NTRK3: variants seen among roughly 807,000 people sequenced by gnomAD.
NTRK3 encodes NT-3 growth factor receptor.
In NTRK3, 24 loss-of-function variants were observed where a neutral mutation model predicts 91.7. That is an observed-to-expected ratio of 0.26 (90% CI 0.19 to 0.37). The LOEUF (loss-of-function observed/expected upper bound fraction) is 0.37. NTRK3 is among the 10% of genes least tolerant of loss of function. The probability of loss-of-function intolerance (pLI) is 1.00; values close to 1 mark genes in which losing one functional copy is unlikely to be tolerated. For missense variants in NTRK3, 880 were observed against 1,068.9 expected (o/e 0.82, Z 2.46); for synonymous variants, 483 against 404.0 (o/e 1.20, Z -2.34).
At chr15:88,180,081 T>C (rs1019021050) in intron 5 of NTRK3, among the ~76,000 whole-genome samples, 1 of 152,198 alleles carries the variant, frequency 6.6e-6, no homozygotes, top group African/African-American at 2.4e-5. Flanking sequence ...CTAGCAACTG[T>C]TCTCTCTGAA....
intron 14 of NTRK3, among the ~76,000 whole-genome samples, chr15:88,025,090 CAAG>C (rs1169640221): frequency 3.3e-5 from 5 of 152,174 alleles, no homozygotes; most frequent in Non-Finnish European, 4.4e-5. Flanking sequence ...CCAGGCACAC[CAAG>C]AAGGACAGTG....
At chr15:88,080,012 T>G (rs1412890630) in intron 13 of NTRK3, among the ~76,000 whole-genome samples, 1 of 152,232 alleles carries the variant, frequency 6.6e-6, no homozygotes, top group African/African-American at 2.4e-5. Flanking sequence ...GTAAATATTT[T>G]TCATGTCTTT....
chr15:88,137,977 G>A (rs2042033809), intron 6 of NTRK3, among the ~76,000 whole-genome samples: 1 of 151,972 alleles, frequency 6.6e-6, no homozygotes, highest in Non-Finnish European at 1.5e-5. Context: ...CTTGAACCCA[G>A]GAGATGGAGG....
At chr15:87,912,643 T>C (rs1038407891) in intron 17 of NTRK3, among the ~76,000 whole-genome samples, 30 of 152,018 alleles carry the variant, frequency 2.0e-4, no homozygotes, top group Non-Finnish European at 4.0e-4. Context: ...TCTCTCTGGC[T>C]GGCATTCAAT....
At position 88,235,859 on chromosome 15, in the gene NTRK3, A is replaced by G. The variant is rs2051676160; in HGVS notation, c.248+20047T>C. On this transcript the variant is annotated intron_variant, in intron 3 of 18. Transcript: ENST00000394480. The surrounding 1 kb of genome is among the most constrained non-coding windows in gnomAD (Gnocchi z 5.2). Reference sequence around the variant, plus strand: ...CAGGATCCCAGCTCTGCCACCTACCAGTTGGATGACCTTGAACAAGTGACG... The same window carrying G: ...CAGGATCCCAGCTCTGCCACCTACCGGTTGGATGACCTTGAACAAGTGACG... Among the ~76,000 whole-genome samples, 1 of 152,214 alleles carries G rather than the reference A, an allele frequency of 6.6e-6. No individual in the cohort carries two copies. Among genetic ancestry groups the G allele is most frequent in the African/African-American group, 2.4e-5 (1 of 41,466 alleles).
Position 88,057,100 on chromosome 15 carries a change from C to T in NTRK3, c.1397-24055G>A, listed in dbSNP as rs1312230248. Among the ~76,000 whole-genome samples, 10 of 144,740 alleles carry T rather than the reference C, an allele frequency of 6.9e-5. 1 individual carries two copies. In the South Asian group the frequency reaches 1.6e-3, roughly 23 times the overall value. 95.0% of individuals were successfully genotyped at this position (144,740 alleles called of 152,430 possible). ...AGGAGAATGGCGTGAACCCGGGAGG[C>T]GGAGCTTGCAGTGAGTCGAGATCGC... is the stretch of plus-strand genomic sequence containing the variant. On this transcript the variant is annotated intron_variant, in intron 13 of 18. Transcript: ENST00000394480.
chr15:87,886,103 A>G (rs1172848788), intron 17 of NTRK3, among the ~76,000 whole-genome samples: 4 of 152,242 alleles, frequency 2.6e-5, no homozygotes, highest in East Asian at 3.9e-4. Flanking sequence ...AAAGATGCCA[A>G]TTAAAACAAC....
At chr15:88,130,503 G>C (rs1020524933) in intron 10 of NTRK3, among the ~76,000 whole-genome samples, 13 of 152,156 alleles carry the variant, frequency 8.5e-5, no homozygotes, top group African/African-American at 3.1e-4. Context: ...AGAGAAACCT[G>C]GCAGACACCA....
In NTRK3 at chr15:88,237,707, T is replaced by G. The variant is rs1216914171; in HGVS notation, c.248+18199A>C. 6.6e-6 allele frequency among the ~76,000 whole-genome samples: 1 copy of G among 152,084 alleles called. No homozygotes were observed. Among genetic ancestry groups the G allele is most frequent in the Non-Finnish European group, 1.5e-5 (1 of 68,010 alleles). ...TGCAACTTCTTCCACAGGGCTCTCT[T>G]GCTTACATGACCGACTAAGCAGACA... is the stretch of plus-strand genomic sequence containing the variant. On this transcript the variant is annotated intron_variant, in intron 3 of 18. Transcript: ENST00000394480. The surrounding 1 kb of genome is among the most constrained non-coding windows in gnomAD (Gnocchi z 4.0).
intron 11 of NTRK3, among the ~76,000 whole-genome samples, chr15:88,127,820 G>T (rs920448892): frequency 6.6e-6 from 1 of 152,088 alleles, no homozygotes; most frequent in Non-Finnish European, 1.5e-5. Flanking sequence ...CCATCTGACC[G>T]GGAAACACCA....
At chr15:88,232,930 T>C (rs143705833) in intron 3 of NTRK3, among the ~76,000 whole-genome samples, 1 of 152,192 alleles carries the variant, frequency 6.6e-6, no homozygotes, top group African/African-American at 2.4e-5. Context: ...CTTGAGGGTC[T>C]TGGGCCCACT....
intron 13 of NTRK3, among the ~76,000 whole-genome samples, chr15:88,114,900 T>C (rs4887362): frequency 0.23 from 35,220 of 152,226 alleles, 4,285 homozygotes; most frequent in Non-Finnish European, 0.25. Context: ...TTATCATATA[T>C]ATGGACCATA....
rs1207336074 is a variant in NTRK3, at chr15:88,256,269, AG to A, written c.-16+14del. 175 of 75,464 alleles carry A rather than the reference AG, an allele frequency of 2.3e-3. No homozygotes were observed. The highest frequency in any genetic ancestry group is 0.015 in the East Asian group (54 of 3,596). The allele number at this position is 75,464 out of a possible 1,614,324, so 4.7% of individuals were successfully genotyped here. A position where few individuals can be genotyped will look rare whatever the true frequency, so the allele number is the denominator to read the frequency against. The stretch of plus-strand genomic sequence containing the variant: ...GACGGCGAGGGAGGGGGGAAGGGGG[AG>A]GGGGGGCCTCTGCCTTTGAAACGCC... On this transcript the variant is annotated intron_variant, in intron 2 of 18. Transcript: ENST00000394480.
chr15:88,115,669 G>A lies in NTRK3; in HGVS notation c.1396+10602C>T, dbSNP rs139405099. Among the ~76,000 whole-genome samples the A allele has an allele frequency of 5.9e-5, 9 of 152,192 alleles. No individual in the cohort carries two copies. In the East Asian group the frequency reaches 1.7e-3, roughly 30 times the overall value. On this transcript the variant is annotated intron_variant, in intron 13 of 18. Transcript: ENST00000394480. Reference sequence around the variant, plus strand: ...CCAGGACTTATCAGTCCTGGAAACTGCTCTGGTCTTCTGCCAACTATGCAA... The same window carrying A: ...CCAGGACTTATCAGTCCTGGAAACTACTCTGGTCTTCTGCCAACTATGCAA...
At chr15:88,190,429 G>C (rs962568045) in intron 3 of NTRK3, among the ~76,000 whole-genome samples, 1 of 152,174 alleles carries the variant, frequency 6.6e-6, no homozygotes, top group African/African-American at 2.4e-5. Context: ...GAGCCTGCCA[G>C]GCTGTAGCAC....
At chr15:88,014,323 C>G (rs560504438) in intron 14 of NTRK3, among the ~76,000 whole-genome samples, 30 of 152,152 alleles carry the variant, frequency 2.0e-4, no homozygotes, top group Non-Finnish European at 4.4e-4. Flanking sequence ...GAGACAACAG[C>G]CATTGGTCCT....
At chr15:88,033,182 A>C (rs1449693361) in intron 13 of NTRK3, 137 bp from the exon 14 acceptor site, 1 of 84,062 alleles carries the variant, frequency 1.2e-5, no homozygotes. Context: ...TGTGTTATAT[A>C]TATATATATA....
At chr15:88,209,216 A>G (rs1041306025) in intron 3 of NTRK3, among the ~76,000 whole-genome samples, 2 of 152,222 alleles carry the variant, frequency 1.3e-5, no homozygotes, top group Non-Finnish European at 2.9e-5. Context: ...CTAGACAGAC[A>G]AGAGAAGCAG....
intron 5 of NTRK3, among the ~76,000 whole-genome samples, chr15:88,180,142 G>A (rs528751302): frequency 3.2e-4 from 48 of 152,220 alleles, no homozygotes; most frequent in African/African-American, 8.4e-4. Flanking sequence ...GCCTCTTATC[G>A]TTTAATCTTG....
Sources: gnomAD v4.1 joint callset for allele counts (sites outside exome capture counted in the v4.1 genomes callset) on GRCh38, gnomAD v4.1.1 for gene constraint, Gnocchi (gnomAD v3.1) non-coding constraint, MANE v1.5 for transcripts, NCBI Gene and HGNC (gene_info 2026-07-23, HGNC 2026-07-21) for gene names.